Variants in CAPG observed in about 807,000 individuals in gnomAD.
CAPG encodes the protein capping actin protein, gelsolin like.
A neutral mutation model predicts 44.6 loss-of-function variants in CAPG; 32 were observed. The observed-to-expected ratio is 0.72, with a 90% confidence interval of 0.54 to 0.96. The LOEUF (loss-of-function observed/expected upper bound fraction) is 0.96. CAPG is among the 50% of genes least tolerant of loss of function. The pLI is 0.00. For synonymous variants in CAPG, 175 were observed against 179.6 expected (o/e 0.97, Z 0.20); for missense variants, 412 against 438.3 (o/e 0.94, Z 0.54).
chr2:85,412,238 C>T (rs184479147), upstream of CAPG, among the ~76,000 whole-genome samples: 3,788 of 152,100 alleles, frequency 0.025, 57 homozygotes, highest in South Asian at 0.041. Context: ...ATGGGCCGGG[C>T]GCGGTGGCTC....
At chr2:85,392,726 T>C (rs1686430849), downstream of CAPG, among the ~76,000 whole-genome samples, 1 of 152,162 alleles carries the variant, frequency 6.6e-6, no homozygotes, top group African/African-American at 2.4e-5. Flanking sequence ...CAATACTTCC[T>C]CCAGTCTGGT....
intron 7 of CAPG, 51 bp downstream of exon 7, chr2:85,398,639 G>T: frequency 6.9e-7 from 1 of 1,449,596 alleles, no homozygotes; most frequent in Non-Finnish European, 9.5e-7. Flanking sequence ...GTGCTGTGCA[G>T]GCTCCCACCC....
chr2:85,400,871 C>G (rs914085291), intron 5 of CAPG, among the ~76,000 whole-genome samples: 2 of 152,170 alleles, frequency 1.3e-5, no homozygotes, highest in African/African-American at 2.4e-5. Flanking sequence ...ATCATAGATT[C>G]ACTGAACGAA....
In CAPG at chr2:85,407,433, CCAGG is replaced by C. The variant is rs1170949932; in HGVS notation, c.-14+2880_-14+2883del. 9.2e-5 allele frequency among the ~76,000 whole-genome samples: 14 copies of C among 152,182 alleles called. 1 individual carries two copies. In the South Asian group the frequency reaches 1.2e-3, roughly 14 times the overall value. On this transcript the variant is annotated intron_variant, in intron 1 of 9. Transcript: ENST00000263867. ...GGCTTTTGAAAAACCCCAGTGCCAG[CCAGG>C]CATGGTGGCTCATGCCTGTAATCCC...
At chr2:85,405,405 G>C (rs1687100669) in intron 1 of CAPG, among the ~76,000 whole-genome samples, 1 of 152,128 alleles carries the variant, frequency 6.6e-6, no homozygotes, top group East Asian at 1.9e-4. Context: ...CATTTGGACA[G>C]AGTTTGTGTA....
At chr2:85,417,157 T>TGAC (rs1687571211) in intron 1 of CAPG, among the ~76,000 whole-genome samples, 1 of 152,186 alleles carries the variant, frequency 6.6e-6, no homozygotes, top group South Asian at 2.1e-4. Context: ...ACAGCCAGCG[T>TGAC]CACACTGGGT....
intron 1 of CAPG, among the ~76,000 whole-genome samples, chr2:85,416,810 G>A (rs1260205819): frequency 6.6e-6 from 1 of 152,058 alleles, no homozygotes; most frequent in East Asian, 1.9e-4. Context: ...CACCTCACCG[G>A]CCCCAAATAT....
Position 85,395,467 on chromosome 2 carries a change from GC to G in CAPG, c.981+70del. The G allele has an allele frequency of 7.7e-7, 1 of 1,302,178 alleles. No homozygotes were observed. The highest frequency in any genetic ancestry group is 2.4e-5 in the East Asian group (1 of 41,574). 80.7% of individuals were successfully genotyped at this position (1,302,178 alleles called of 1,614,324 possible). On this transcript the variant is annotated intron_variant, in intron 9 of 9. Coordinates refer to ENST00000263867, the MANE Select transcript of CAPG (RefSeq NM_001747.4). The surrounding 1 kb of genome is among the most constrained non-coding windows in gnomAD (Gnocchi z 4.3). ...GCCCAAGGCTCTCCTGCCCTTCCTG[GC>G]CAATTTGAGGGGTCAGGGGCCACAG...
At chr2:85,418,833 C>CCAGCT (rs1367180091), upstream of CAPG, 2 of 152,356 alleles carry the variant, frequency 1.3e-5, no homozygotes, top group Non-Finnish European at 2.9e-5. Context: ...CCTCGCAAAC[C>CCAGCT]CAGCTCCCCA....
At chr2:85,399,704 G>A (rs1686787249) in intron 5 of CAPG, among the ~76,000 whole-genome samples, 1 of 151,246 alleles carries the variant, frequency 6.6e-6, no homozygotes, top group African/African-American at 2.4e-5. Context: ...TGCCCAGGCT[G>A]GTTACAAACC....
At chr2:85,394,611 G>T (rs894360396), downstream of CAPG, 1 of 501,810 alleles carries the variant, frequency 2.0e-6, no homozygotes, top group Admixed American at 3.5e-5. Context: ...TGCAAGCCTG[G>T]CTGGGACTCC....
downstream of CAPG, among the ~76,000 whole-genome samples, chr2:85,393,129 G>A (rs1292084383): frequency 2.0e-5 from 3 of 151,188 alleles, no homozygotes; most frequent in Admixed American, 6.6e-5. Context: ...TCCACCTCCC[G>A]GGCTCAAGCC....
chr2:85,406,872 A>G (rs537709825), intron 1 of CAPG, among the ~76,000 whole-genome samples: 2 of 151,744 alleles, frequency 1.3e-5, no homozygotes, highest in Non-Finnish European at 2.9e-5. Flanking sequence ...AAAAAAAAGG[A>G]ATCCTGTTAG....
chr2:85,392,797 T>C (rs1007501940), downstream of CAPG, among the ~76,000 whole-genome samples: 1 of 152,164 alleles, frequency 6.6e-6, no homozygotes, highest in East Asian at 1.9e-4. Flanking sequence ...AGGAGTTGAA[T>C]TGCAGGGGAG....
chr2:85,412,283 C>T (rs1443324961), upstream of CAPG, among the ~76,000 whole-genome samples: 1 of 151,648 alleles, frequency 6.6e-6, no homozygotes, highest in African/African-American at 2.4e-5. Context: ...GAGGCCAAGG[C>T]GGGTGGATCA....
chr2:85,413,725 G>C (rs1687486871), upstream of CAPG: 1 of 152,268 alleles, frequency 6.6e-6, no homozygotes, highest in Non-Finnish European at 1.5e-5. Flanking sequence ...GACGCACAGT[G>C]TTCCTACCCT....
chr2:85,407,793 TA>T (rs1159070654), intron 1 of CAPG, among the ~76,000 whole-genome samples: 1 of 151,708 alleles, frequency 6.6e-6, no homozygotes, highest in African/African-American at 2.4e-5. Flanking sequence ...TTGGACTCAT[TA>T]AAACCAGACT....
intron 7 of CAPG, 76 bp downstream of exon 7, chr2:85,398,614 T>G (rs1457537828): frequency 1.7e-6 from 2 of 1,171,016 alleles, no homozygotes; most frequent in East Asian, 2.7e-5. Context: ...CCCTCCACCC[T>G]GCTTGCATGC....
At chr2:85,397,731 A>AGAAAGAAAGAAAGAAAG (rs1686672145) in intron 8 of CAPG, among the ~76,000 whole-genome samples, 4 of 148,812 alleles carry the variant, frequency 2.7e-5, no homozygotes, top group Non-Finnish European at 4.5e-5. Flanking sequence ...AAAGAAAGAA[A>AGAAAGAAAGAAAGAAAG]ATAGCAAGGC....
Sources: allele counts gnomAD v4.1 joint callset (sites outside exome capture counted in the v4.1 genomes callset), GRCh38; gene constraint gnomAD v4.1.1; non-coding constraint Gnocchi (gnomAD v3.1); transcripts MANE v1.5; gene names NCBI Gene and HGNC (gene_info 2026-07-23, HGNC 2026-07-21).